CYREN: variants seen among roughly 807,000 people sequenced by gnomAD.
The protein encoded by CYREN is cell cycle regulator of NHEJ.
In CYREN, 7 loss-of-function variants were observed where a neutral mutation model predicts 9.7. The ratio of observed to expected loss-of-function variants is 0.72; its 90% confidence interval spans 0.41 to 1.36. The LOEUF (loss-of-function observed/expected upper bound fraction) is 1.36, where lower values mean the gene tolerates loss of function less well. CYREN is among the 40% of genes most tolerant of loss of function. CYREN has a pLI of 0.01. For missense variants in CYREN, 215 were observed against 198.1 expected, an observed-to-expected ratio of 1.09 and a Z score of -0.51; for synonymous variants, 76 against 77.9, an observed-to-expected ratio of 0.98 and a Z score of 0.13.
chr7:135,171,314 T>G (rs12535336), upstream of CYREN, among the ~76,000 whole-genome samples: 94 of 8,406 alleles, frequency 0.011, no homozygotes, highest in South Asian at 0.19. Flanking sequence ...TACCTGTTTT[T>G]TTTTTTTTTT....
Position 135,166,461 on chromosome 7 carries a change from G to T in CYREN, c.*150C>A. ...AGGCCCGGAGTGTCCAGGGGCTTCT[G>T]GCCTGAGGTGAATCTGCCAGGCCCA... On this transcript the variant is annotated 3_prime_UTR_variant, in exon 4 of 4. Transcript: ENST00000393114. 7.7e-7 allele frequency: 1 copy of T among 1,307,092 alleles called. No individual in the cohort carries two copies. The highest frequency in any genetic ancestry group is 1.0e-6 in the Non-Finnish European group (1 of 975,108). 81.0% of individuals were successfully genotyped at this position (1,307,092 alleles called of 1,614,324 possible). A position where few individuals can be genotyped will look rare whatever the true frequency, so the allele number is the denominator to read the frequency against.
chr7:135,171,903 G>T (rs527401848), upstream of CYREN, among the ~76,000 whole-genome samples: 28 of 152,374 alleles, frequency 1.8e-4, no homozygotes, highest in South Asian at 5.6e-3. Flanking sequence ...GCAGGCTCCC[G>T]AGAAGGATTA....
At chr7:135,119,504 A>G (rs190334166) in intron 2 of CYREN, among the ~76,000 whole-genome samples, 21 of 149,574 alleles carry the variant, frequency 1.4e-4, no homozygotes, top group Non-Finnish European at 2.4e-4. Context: ...TGCTGGGATT[A>G]CAGGCATGAG....
At chr7:135,117,250 C>G (rs1378554072) in intron 2 of CYREN, among the ~76,000 whole-genome samples, 1 of 152,064 alleles carries the variant, frequency 6.6e-6, no homozygotes. Context: ...TGAAATCTGA[C>G]CTATGTTTGA....
chr7:135,095,143 G>A (rs947420836), intron 2 of CYREN, among the ~76,000 whole-genome samples: 2 of 152,156 alleles, frequency 1.3e-5, no homozygotes, highest in African/African-American at 4.8e-5. Context: ...GGATATTTCT[G>A]CAACTCCAGC....
intron 2 of CYREN, among the ~76,000 whole-genome samples, chr7:135,099,132 T>C (rs182028525): frequency 1.1e-3 from 167 of 152,206 alleles, no homozygotes; most frequent in African/African-American, 3.9e-3. Flanking sequence ...AATATGTGTA[T>C]GTAATTATTA....
At chr7:135,124,220 C>CAAA (rs369396148) in intron 2 of CYREN, among the ~76,000 whole-genome samples, 8 of 138,220 alleles carry the variant, frequency 5.8e-5, no homozygotes, top group African/African-American at 1.1e-4. Flanking sequence ...AAATGGAAAG[C>CAAA]AAAAAAAAAA....
chr7:135,115,532 G>A (rs182356886), intron 2 of CYREN: 188 of 1,551,388 alleles, frequency 1.2e-4, no homozygotes, highest in African/African-American at 1.1e-3. Flanking sequence ...GCTCCCCATC[G>A]TGCATAGCAC....
At chr7:135,171,251 C>T (rs867752816), upstream of CYREN, among the ~76,000 whole-genome samples, 9 of 151,798 alleles carry the variant, frequency 5.9e-5, no homozygotes, top group African/African-American at 1.7e-4. Context: ...TTCAGCCCTC[C>T]GAAAGTTAAA....
intron 2 of CYREN, among the ~76,000 whole-genome samples, chr7:135,155,301 A>T (rs745951410): frequency 6.6e-6 from 1 of 152,180 alleles, no homozygotes; most frequent in African/African-American, 2.4e-5. Context: ...GTATCTTTTA[A>T]GTGGAGCATT....
intron 2 of CYREN, among the ~76,000 whole-genome samples, chr7:135,100,695 G>A (rs1823702580): frequency 6.6e-6 from 1 of 152,102 alleles, no homozygotes; most frequent in Non-Finnish European, 1.5e-5. Flanking sequence ...TCTAGAATTG[G>A]TTATTTTAAA....
At chr7:135,162,031 C>T (rs1179511603), downstream of CYREN, among the ~76,000 whole-genome samples, 3 of 152,224 alleles carry the variant, frequency 2.0e-5, no homozygotes, top group Non-Finnish European at 4.4e-5. Flanking sequence ...CCAAAGAAGT[C>T]GCTGGTCAAT....
At chr7:135,113,938 G>A (rs754013272) in intron 2 of CYREN, among the ~76,000 whole-genome samples, 5 of 152,082 alleles carry the variant, frequency 3.3e-5, no homozygotes, top group African/African-American at 4.8e-5. Flanking sequence ...CAAATATTTG[G>A]ATGACAAATG....
intron 2 of CYREN, among the ~76,000 whole-genome samples, chr7:135,113,816 T>TC (rs760496276): frequency 1.3e-5 from 2 of 152,036 alleles, no homozygotes; most frequent in Non-Finnish European, 2.9e-5. Context: ...CAATTCTCCC[T>TC]CCCCCCAGCA....
chr7:135,153,540 T>C (rs958465751), intron 2 of CYREN, among the ~76,000 whole-genome samples: 1 of 151,668 alleles, frequency 6.6e-6, no homozygotes, highest in Middle Eastern at 3.4e-3. Context: ...TGCTTATACA[T>C]TGTTGGTGGG....
intron 2 of CYREN, among the ~76,000 whole-genome samples, chr7:135,102,605 C>T (rs1824012153): frequency 2.5e-5 from 1 of 40,730 alleles, no homozygotes; most frequent in Non-Finnish European, 6.4e-5. Flanking sequence ...TATGAGAGAA[C>T]TTTGGTCCTT....
At chr7:135,115,393 CT>C in intron 2 of CYREN, 1 of 1,550,434 alleles carries the variant, frequency 6.4e-7, no homozygotes, top group Non-Finnish European at 8.7e-7. Flanking sequence ...TGCACCACAA[CT>C]TAAAAAGCAA....
chr7:135,159,051 G>A lies in CYREN; in HGVS notation n.356+9698C>T, dbSNP rs192326529. On this transcript the variant is annotated intron_variant and non_coding_transcript_variant, in intron 2 of 2. Coordinates refer to the CYREN transcript ENST00000459937. ...CAAGATTATAAAAGTTTGTTTTGGAGCCCTAGGGGGTTCTCTCTTACTGTT... is the reference window on the plus strand; with the variant it reads ...CAAGATTATAAAAGTTTGTTTTGGAACCCTAGGGGGTTCTCTCTTACTGTT... 5.1e-4 allele frequency among the ~76,000 whole-genome samples: 77 copies of A among 152,344 alleles called. 1 individual carries two copies. The East Asian group carries it at 0.014, about 28-fold the overall frequency.
At chr7:135,124,397 A>G (rs1034870761) in intron 2 of CYREN, among the ~76,000 whole-genome samples, 2 of 152,168 alleles carry the variant, frequency 1.3e-5, no homozygotes, top group Non-Finnish European at 2.9e-5. Flanking sequence ...GATTCATAAA[A>G]CAAGTTCTTA....
Sources: gnomAD v4.1 joint callset for allele counts (sites outside exome capture counted in the v4.1 genomes callset) on GRCh38, gnomAD v4.1.1 for gene constraint, MANE v1.5 for transcripts, NCBI Gene and HGNC (gene_info 2026-07-23, HGNC 2026-07-21) for gene names.